CWF19L2: variants seen among roughly 807,000 people sequenced by gnomAD.
The protein encoded by CWF19L2 is CWF19 like cell cycle control factor 2.
Under a neutral mutation model 111.7 loss-of-function variants are expected in CWF19L2, and 98 were observed. The observed-to-expected ratio is 0.88, with a 90% CI of 0.75 to 1.04. The LOEUF (loss-of-function observed/expected upper bound fraction) is 1.04. CWF19L2 is among the 50% of genes least tolerant of loss of function. The pLI, the probability that CWF19L2 is intolerant of heterozygous loss-of-function variation, is 0.00. For synonymous variants in CWF19L2, 351 were observed against 342.9 expected (o/e 1.02, Z -0.26); for missense variants, 1,101 against 1,051.4 (o/e 1.05, Z -0.65).
At chr11:107,333,104 TA>T (rs1859873951) in intron 16 of CWF19L2, among the ~76,000 whole-genome samples, 1 of 143,340 alleles carries the variant, frequency 7.0e-6, no homozygotes, top group Non-Finnish European at 1.5e-5. Flanking sequence ...AAAAAAAAGG[TA>T]AAAGGGATCT....
At position 107,330,005 on chromosome 11, in the gene CWF19L2, T is replaced by G. The variant is rs777432869; in HGVS notation, c.2454A>C (p.Leu818Phe). Residue 818 changes from leucine to phenylalanine, a missense_variant, in exon 17 of 18, where the codon TTA becomes TTC. Transcript: ENST00000282251. ...GGCCAAAATCCACAGAGAAGTAAGG[T>G]AACCCTCTGGGTACCTAAATAAACA... is the stretch of plus-strand genomic sequence containing the variant. Reference protein sequence around the residue: ...KDIRKSVPRGLPYFSVDFGLH... With the variant: ...KDIRKSVPRGFPYFSVDFGLH... 1.3e-6 allele frequency: 2 copies of G among 1,574,040 alleles called. No homozygotes were observed. The highest frequency in any genetic ancestry group is 8.6e-7 in the Non-Finnish European group (1 of 1,159,966).
chr11:107,331,653 T>C (rs1859851350), intron 16 of CWF19L2, among the ~76,000 whole-genome samples: 1 of 152,236 alleles, frequency 6.6e-6, no homozygotes. Context: ...GATCACCAGA[T>C]TTTTGAAATA....
At chr11:107,434,719 G>A (rs1051407212) in intron 6 of CWF19L2, among the ~76,000 whole-genome samples, 9 of 149,796 alleles carry the variant, frequency 6.0e-5, no homozygotes, top group Non-Finnish European at 1.2e-4. Flanking sequence ...ACAACAATAT[G>A]GATGAATCTC....
chr11:107,353,628 C>CT lies in CWF19L2; in HGVS notation c.1980dup (p.Ala661SerfsTer4), dbSNP rs1243474074. ...GCAAGACTCCGATGCTCAGCAATAG[C>CT]TTTTTTCCTTTGGTTCTCTTCCTCT... On this transcript the variant is annotated frameshift_variant, in exon 13 of 18. Coordinates refer to ENST00000282251, the MANE Select transcript of CWF19L2 (RefSeq NM_152434.3). LOFTEE classifies it high-confidence loss of function. 2 of 1,613,616 alleles carry CT rather than the reference C, an allele frequency of 1.2e-6. No individual in the cohort carries two copies. The highest frequency in any genetic ancestry group is 1.7e-6 in the Non-Finnish European group (2 of 1,179,738).
intron 10 of CWF19L2, among the ~76,000 whole-genome samples, chr11:107,398,939 T>A (rs1203242589): frequency 2.0e-5 from 3 of 152,124 alleles, no homozygotes; most frequent in Non-Finnish European, 2.9e-5. Flanking sequence ...AAACTAAGCA[T>A]GATATATGAA....
intron 12 of CWF19L2, among the ~76,000 whole-genome samples, chr11:107,381,527 G>C (rs1350475916): frequency 6.6e-6 from 1 of 152,044 alleles, no homozygotes; most frequent in Non-Finnish European, 1.5e-5. Context: ...GATATCACAG[G>C]AACATATAAA....
At chr11:107,420,869 C>T (rs1350889741) in intron 8 of CWF19L2, among the ~76,000 whole-genome samples, 1 of 151,964 alleles carries the variant, frequency 6.6e-6, no homozygotes, top group East Asian at 1.9e-4. Flanking sequence ...AAAGCAAAAC[C>T]ATGGATAAAG....
intron 13 of CWF19L2, among the ~76,000 whole-genome samples, chr11:107,350,680 T>C (rs1296039449): frequency 2.6e-5 from 4 of 151,872 alleles, no homozygotes; most frequent in Non-Finnish European, 5.9e-5. Context: ...GAAATACAAA[T>C]AAACAATGTA....
chr11:107,367,477 C>G lies in CWF19L2; in HGVS notation c.1873-13741G>C, dbSNP rs1026904680. Among the ~76,000 whole-genome samples, 159 of 129,624 alleles carry G rather than the reference C, an allele frequency of 1.2e-3. 22 individuals carry two copies. Among genetic ancestry groups the G allele is most frequent in the Non-Finnish European group, 2.2e-3 (137 of 61,582 alleles). The allele number at this position is 129,624 out of a possible 152,430, so 85.0% of individuals were successfully genotyped here. ...ATTAAGAAAATGTGGCACATATACA[C>G]CATGGAATACTATGCAGCCATAAAA... On this transcript the variant is annotated intron_variant, in intron 12 of 17. Transcript: ENST00000282251.
chr11:107,338,718 C>A (rs1363395275), intron 14 of CWF19L2, among the ~76,000 whole-genome samples: 2 of 152,200 alleles, frequency 1.3e-5, no homozygotes, highest in Non-Finnish European at 2.9e-5. Flanking sequence ...TGGCTTCCAA[C>A]TCCATCCATG....
At chr11:107,344,438 T>C (rs1295446481) in intron 14 of CWF19L2, among the ~76,000 whole-genome samples, 3 of 152,250 alleles carry the variant, frequency 2.0e-5, no homozygotes, top group Non-Finnish European at 2.9e-5. Context: ...TTGTTTTCCA[T>C]TACCTAACAA....
At position 107,392,804 on chromosome 11, in the gene CWF19L2, T is replaced by G. The variant is rs144971876; in HGVS notation, c.1709A>C (p.Gln570Pro). The G allele has an allele frequency of 2.5e-5, 40 of 1,593,056 alleles. No homozygotes were observed. In the African/African-American group the frequency reaches 4.4e-4, roughly 17 times the overall value. Residue 570 changes from glutamine to proline, a missense_variant, in exon 11 of 18, where the codon CAA (glutamine) becomes CCA (proline). Gln to Pro is a moderately conservative substitution (Grantham distance 76, BLOSUM62 -1). Coordinates refer to ENST00000282251, the MANE Select transcript of CWF19L2 (RefSeq NM_152434.3). The stretch of plus-strand genomic sequence containing the variant: ...CATCTGTCTCTTTCTTCTTCCTCCT[T>G]GTGATTCCAGAGATTTTCCGGGTGT... ...VNTPGKSLESQGGRRKRQMVS... is the reference protein window; with the variant it reads ...VNTPGKSLESPGGRRKRQMVS...
At position 107,457,772 on chromosome 11, in the gene CWF19L2, C is replaced by T. The variant is rs775776967; in HGVS notation, c.45G>A (p.Ala15=). The change falls in exon 1 of 18, where the codon GCG becomes GCA. Residue 15 remains alanine (A), a synonymous_variant. Coordinates refer to ENST00000282251, the MANE Select transcript of CWF19L2 (RefSeq NM_152434.3). ...GTTCTTTCCGCTCTTCGATACTCTT[C>T]GCACTTTCAAATCTACCACTAGCAG... ...MAAASGRFES[A]KSIEERKEQT... 6.4e-7 allele frequency: 1 copy of T among 1,551,790 alleles called. No individual in the cohort carries two copies. Among genetic ancestry groups the T allele is most frequent in the Admixed American group, 2.0e-5 (1 of 51,002 alleles).
At chr11:107,452,113 G>A (rs1565291176) in intron 3 of CWF19L2, among the ~76,000 whole-genome samples, 1 of 151,912 alleles carries the variant, frequency 6.6e-6, no homozygotes, top group Non-Finnish European at 1.5e-5. Context: ...AATAAAACAG[G>A]CACAGAGACT....
chr11:107,346,924 C>T (rs1715316804), intron 14 of CWF19L2, among the ~76,000 whole-genome samples: 1 of 152,170 alleles, frequency 6.6e-6, no homozygotes, highest in Non-Finnish European at 1.5e-5. Context: ...AAGGTACTAA[C>T]ATTGGCTATT....
intron 3 of CWF19L2, among the ~76,000 whole-genome samples, chr11:107,448,974 A>G (rs1167616012): frequency 6.6e-6 from 1 of 152,098 alleles, no homozygotes; most frequent in African/African-American, 2.4e-5. Context: ...ATACCAAGAC[A>G]TATCACAATT....
At chr11:107,340,556 G>C (rs4754216) in intron 14 of CWF19L2, among the ~76,000 whole-genome samples, 33,120 of 152,042 alleles carry the variant, frequency 0.22, 3,846 homozygotes, top group African/African-American at 0.29. Flanking sequence ...ACATAGTCTT[G>C]ATTACTGTAG....
At chr11:107,394,253 T>C (rs951148432) in intron 10 of CWF19L2, among the ~76,000 whole-genome samples, 2 of 152,148 alleles carry the variant, frequency 1.3e-5, no homozygotes, top group African/African-American at 4.8e-5. Context: ...TAAATTGATA[T>C]AAAAGATTAT....
At chr11:107,401,685 C>A (rs1452262902) in intron 10 of CWF19L2, among the ~76,000 whole-genome samples, 1 of 151,990 alleles carries the variant, frequency 6.6e-6, no homozygotes, top group Non-Finnish European at 1.5e-5. Context: ...TCAACACAAT[C>A]CCCATCAGAA....
Sources: allele counts gnomAD v4.1 joint callset (sites outside exome capture counted in the v4.1 genomes callset), GRCh38; gene constraint gnomAD v4.1.1; transcripts MANE v1.5; gene names NCBI Gene and HGNC (gene_info 2026-07-23, HGNC 2026-07-21).